DNAJC1: variants seen among roughly 807,000 people sequenced by gnomAD.
DNAJC1 encodes DnaJ heat shock protein family (Hsp40) member C1, also known as dnaJ homolog subfamily C member 1.
DNAJC1 carries 58 observed loss-of-function variants against 76.6 expected under a neutral mutation model. That is an observed-to-expected ratio of 0.76 (90% CI 0.61 to 0.94). The LOEUF is 0.94. DNAJC1 is among the 40% of genes least tolerant of loss of function. DNAJC1 has a pLI of 0.00. For missense variants in DNAJC1, 689 were observed against 677.3 expected (o/e 1.02, Z -0.19); for synonymous variants, 258 against 267.9 (o/e 0.96, Z 0.36).
intron 1 of DNAJC1, among the ~76,000 whole-genome samples, chr10:21,965,626 T>C (rs1296505781): frequency 1.3e-5 from 2 of 152,184 alleles, no homozygotes; most frequent in African/African-American, 2.4e-5. Flanking sequence ...GAGAACAAAG[T>C]CATTCCTAAT....
chr10:21,880,238 C>T (rs1836251374), intron 8 of DNAJC1, among the ~76,000 whole-genome samples: 2 of 152,170 alleles, frequency 1.3e-5, no homozygotes, highest in African/African-American at 2.4e-5. Flanking sequence ...TTATTTCCTC[C>T]AATGAAATCT....
At chr10:21,882,518 T>C in intron 7 of DNAJC1, 79 bp from the exon 8 acceptor site, 1 of 942,370 alleles carries the variant, frequency 1.1e-6, no homozygotes, top group Non-Finnish European at 1.5e-6. Context: ...TCATAGACCA[T>C]ATCCTGAAAG....
chr10:21,833,785 T>G (rs1835401265), intron 8 of DNAJC1, among the ~76,000 whole-genome samples: 1 of 152,134 alleles, frequency 6.6e-6, no homozygotes, highest in African/African-American at 2.4e-5. Flanking sequence ...CCACTCACAC[T>G]CTTCCACCAG....
intron 9 of DNAJC1, among the ~76,000 whole-genome samples, chr10:21,783,326 T>C (rs1834558474): frequency 6.6e-6 from 1 of 152,072 alleles, no homozygotes; most frequent in South Asian, 2.1e-4. Flanking sequence ...ATAAAATACC[T>C]AGGAATCCAA....
intron 9 of DNAJC1, among the ~76,000 whole-genome samples, chr10:21,774,155 A>AC (rs1371316579): frequency 6.6e-6 from 1 of 151,896 alleles, no homozygotes; most frequent in Non-Finnish European, 1.5e-5. Context: ...AAAAAAAAAA[A>AC]AAAAGATGTA....
Position 22,003,199 on chromosome 10 carries a change from G to T in DNAJC1, c.222+14C>A, listed in dbSNP as rs761263031. On this transcript the variant is annotated intron_variant, in intron 1 of 11. Transcript: ENST00000376980. ...GGCCCCTCTCCGCCCGGCCCCGCGC[G>T]CCTCCTTGCTTACCTGCTGCACCCC... is the stretch of plus-strand genomic sequence containing the variant. 6.5e-7 allele frequency: 1 copy of T among 1,533,550 alleles called. No individual in the cohort carries two copies. The highest frequency in any genetic ancestry group is 2.0e-5 in the Admixed American group (1 of 51,026). The allele number at this position is 1,533,550 out of a possible 1,614,324, so 95.0% of individuals were successfully genotyped here.
At chr10:21,946,838 A>T (rs1837513654) in intron 1 of DNAJC1, among the ~76,000 whole-genome samples, 1 of 152,202 alleles carries the variant, frequency 6.6e-6, no homozygotes, top group Non-Finnish European at 1.5e-5. Flanking sequence ...CCCTGAAAGC[A>T]TGTGTTGGAA....
At chr10:21,864,032 G>A (rs934179371) in intron 8 of DNAJC1, among the ~76,000 whole-genome samples, 5 of 151,876 alleles carry the variant, frequency 3.3e-5, no homozygotes, top group African/African-American at 1.2e-4. Context: ...GCAAAACCCT[G>A]TCTCTATTTA....
rs1836299607 is a variant in DNAJC1, at chr10:21,882,535, T to C, written c.821-96A>G. On this transcript the variant is annotated intron_variant, in intron 7 of 11. Coordinates refer to ENST00000376980, the MANE Select transcript of DNAJC1 (RefSeq NM_022365.4). Reference sequence around the variant, plus strand: ...ATAGACCATATCCTGAAAGAAAACATCAAAATATAATTGTTCTGTTATAAA... The same window carrying C: ...ATAGACCATATCCTGAAAGAAAACACCAAAATATAATTGTTCTGTTATAAA... 7.5e-6 allele frequency: 6 copies of C among 794,860 alleles called. No homozygotes were observed. In the South Asian group the frequency reaches 9.7e-5, roughly 13 times the overall value. The allele number at this position is 794,860 out of a possible 1,614,324, so 49.2% of individuals were successfully genotyped here.
At chr10:21,825,072 C>G (rs758996806) in intron 8 of DNAJC1, among the ~76,000 whole-genome samples, 1 of 152,060 alleles carries the variant, frequency 6.6e-6, no homozygotes, top group Non-Finnish European at 1.5e-5. Flanking sequence ...CTGCCACGCC[C>G]GGCCAACTAT....
At chr10:21,837,927 C>T (rs1429991626) in intron 8 of DNAJC1, among the ~76,000 whole-genome samples, 208 of 147,468 alleles carry the variant, frequency 1.4e-3, no homozygotes, top group African/African-American at 4.9e-3. Flanking sequence ...TGGCGGGCAG[C>T]CCCCGCCCGG....
At chr10:21,902,881 T>C (rs1311904795) in intron 7 of DNAJC1, among the ~76,000 whole-genome samples, 1 of 152,200 alleles carries the variant, frequency 6.6e-6, no homozygotes, top group Non-Finnish European at 1.5e-5. Flanking sequence ...AAATGTAGTG[T>C]ATTCACGTTG....
At chr10:21,976,792 C>T (rs1241807965) in intron 1 of DNAJC1, among the ~76,000 whole-genome samples, 3 of 152,136 alleles carry the variant, frequency 2.0e-5, no homozygotes, top group Non-Finnish European at 2.9e-5. Flanking sequence ...GCTACAGAGG[C>T]TATGTTTAAT....
In DNAJC1 at chr10:22,003,147, G is replaced by C. The variant is rs940921853; in HGVS notation, c.222+66C>G. The C allele has an allele frequency of 3.6e-6, 5 of 1,399,508 alleles. No individual in the cohort carries two copies. The Admixed American group carries it at 1.5e-4, about 42-fold the overall frequency. 86.7% of individuals were successfully genotyped at this position (1,399,508 alleles called of 1,614,324 possible). ...GCCCTACGTGTCCGGCTGTCTCTGA[G>C]GAACCGGGTCGCCTGACGCCTGCCC... On this transcript the variant is annotated intron_variant, in intron 1 of 11. Coordinates refer to ENST00000376980, the MANE Select transcript of DNAJC1 (RefSeq NM_022365.4).
intron 6 of DNAJC1, among the ~76,000 whole-genome samples, chr10:21,907,805 C>G (rs112877405): frequency 0.076 from 11,351 of 149,758 alleles, 1,018 homozygotes; most frequent in African/African-American, 0.22. Flanking sequence ...GGTGAAGCCC[C>G]ATGTGTACTA....
At chr10:21,956,668 T>C (rs989213880) in intron 1 of DNAJC1, among the ~76,000 whole-genome samples, 2 of 151,474 alleles carry the variant, frequency 1.3e-5, no homozygotes, top group Admixed American at 6.6e-5. Flanking sequence ...GCCAAGCCAC[T>C]ATAATTTTTT....
chr10:21,798,807 T>C lies in DNAJC1; in HGVS notation c.1098+7173A>G, dbSNP rs138191996. On this transcript the variant is annotated intron_variant, in intron 9 of 11. Transcript: ENST00000376980. The stretch of plus-strand genomic sequence containing the variant: ...CACAGCTCCTTAGGGCAACTATCTT[T>C]GCTTGCGTGGTTGCAACTTAGTTGC... Among the ~76,000 whole-genome samples, 15 of 152,330 alleles carry C rather than the reference T, an allele frequency of 9.8e-5. No individual in the cohort carries two copies. In the East Asian group the frequency reaches 1.4e-3, roughly 14 times the overall value.
intron 8 of DNAJC1, among the ~76,000 whole-genome samples, chr10:21,825,724 G>A (rs1288706705): frequency 6.6e-6 from 1 of 152,122 alleles, no homozygotes; most frequent in Non-Finnish European, 1.5e-5. Context: ...CAATTCTAGT[G>A]GGTTTGCAGT....
intron 1 of DNAJC1, among the ~76,000 whole-genome samples, chr10:21,968,068 T>C (rs1794579340): frequency 6.6e-6 from 1 of 152,270 alleles, no homozygotes; most frequent in Non-Finnish European, 1.5e-5. Flanking sequence ...TGAATAGTTT[T>C]ATATTACATC....
Sources: gnomAD v4.1 joint callset for allele counts (sites outside exome capture counted in the v4.1 genomes callset) on GRCh38, gnomAD v4.1.1 for gene constraint, MANE v1.5 for transcripts, NCBI Gene and HGNC (gene_info 2026-07-23, HGNC 2026-07-21) for gene names.